FAM118A: variants seen among roughly 807,000 people sequenced by gnomAD.
FAM118A encodes SIR2 antiphage like 2, also known as protein FAM118A.
A neutral mutation model predicts 38.2 loss-of-function variants in FAM118A; 25 were observed. That is an observed-to-expected ratio of 0.65 (90% CI 0.48 to 0.91). The LOEUF (loss-of-function observed/expected upper bound fraction) is 0.91. Ranked by LOEUF, FAM118A falls within the 40% of genes least tolerant of loss-of-function variation. The pLI is 0.00. For synonymous variants in FAM118A, 178 were observed against 184.1 expected (o/e 0.97, Z 0.27); for missense variants, 425 against 463.3 (o/e 0.92, Z 0.76).
chr22:45,327,526 C>T (rs1460836238), intron 3 of FAM118A, among the ~76,000 whole-genome samples: 6 of 152,152 alleles, frequency 3.9e-5, no homozygotes, highest in Middle Eastern at 6.3e-3. Flanking sequence ...ACATTCTCCA[C>T]GAGCCCTCAC....
chr22:45,332,810 C>G, intron 6 of FAM118A, 100 bp downstream of exon 6: 2 of 1,294,190 alleles, frequency 1.5e-6, no homozygotes, highest in Non-Finnish European at 1.0e-6. Context: ...GCAATGGCAC[C>G]ATCTTGGCTC....
intron 1 of FAM118A, chr22:45,322,118 G>A (rs112778215): frequency 1.5e-5 from 20 of 1,341,474 alleles, no homozygotes; most frequent in Admixed American, 9.8e-5. Context: ...CTGTGTGTGC[G>A]TTTTCCTTCT....
At chr22:45,330,977 C>T (rs529839776) in intron 5 of FAM118A, among the ~76,000 whole-genome samples, 5 of 152,332 alleles carry the variant, frequency 3.3e-5, no homozygotes, top group African/African-American at 1.2e-4. Flanking sequence ...ATTCATGATT[C>T]CTTTCAAAGC....
chr22:45,340,044 G>T (rs1450515755), intron 8 of FAM118A, among the ~76,000 whole-genome samples: 1 of 152,200 alleles, frequency 6.6e-6, no homozygotes, highest in Non-Finnish European at 1.5e-5. Flanking sequence ...GAATCGACAG[G>T]CTTATTCTTC....
intron 1 of FAM118A, among the ~76,000 whole-genome samples, chr22:45,316,753 G>A (rs1172978367): frequency 6.6e-6 from 1 of 152,200 alleles, no homozygotes. Flanking sequence ...GGTAATATTG[G>A]TACTAATAGC....
chr22:45,310,870 T>C (rs2084335052), intron 1 of FAM118A, among the ~76,000 whole-genome samples: 1 of 151,974 alleles, frequency 6.6e-6, no homozygotes, highest in Non-Finnish European at 1.5e-5. Context: ...TTAGGGCACA[T>C]GGGGACGCTT....
intron 3 of FAM118A, among the ~76,000 whole-genome samples, chr22:45,325,359 T>A (rs2085188126): frequency 2.0e-5 from 3 of 152,136 alleles, no homozygotes; most frequent in Admixed American, 6.5e-5. Flanking sequence ...TGGGGGAAGC[T>A]GAGAGTTGGT....
At chr22:45,318,045 A>C (rs1215772084) in intron 1 of FAM118A, among the ~76,000 whole-genome samples, 1 of 152,232 alleles carries the variant, frequency 6.6e-6, no homozygotes, top group Non-Finnish European at 1.5e-5. Flanking sequence ...ACTACCTGTA[A>C]ATAACAAGTT....
rs140667899 is a variant in FAM118A, at chr22:45,321,388, C to T, written c.-9-983C>T. Among the ~76,000 whole-genome samples the T allele has an allele frequency of 6.6e-3, 1,010 of 152,030 alleles. 10 individuals carry two copies. Among genetic ancestry groups the T allele is most frequent in the African/African-American group, 0.022 (893 of 41,466 alleles). On this transcript the variant is annotated intron_variant, in intron 1 of 8. Transcript: ENST00000441876. ...TTATTTCTAGAATTGGGGGGAAACG[C>T]GATTTTGGAAAATTTTTATTTTTTA... is the stretch of plus-strand genomic sequence containing the variant.
intron 1 of FAM118A, among the ~76,000 whole-genome samples, chr22:45,319,743 A>G (rs6519923): frequency 0.44 from 67,265 of 152,034 alleles, 18,067 homozygotes; most frequent in African/African-American, 0.75. Flanking sequence ...CTTTCCTTAG[A>G]AAGTATCTAG....
chr22:45,315,377 T>G (rs974043264), intron 1 of FAM118A, among the ~76,000 whole-genome samples: 1 of 152,256 alleles, frequency 6.6e-6, no homozygotes, highest in African/African-American at 2.4e-5. Flanking sequence ...TAACTCATCC[T>G]GAAGATCCCT....
intron 1 of FAM118A, among the ~76,000 whole-genome samples, chr22:45,320,054 A>T (rs1188919939): frequency 1.3e-5 from 2 of 152,246 alleles, no homozygotes; most frequent in African/African-American, 4.8e-5. Context: ...TAGCTCTGCG[A>T]TCTAATGATG....
At chr22:45,337,020 C>G (rs577139769) in intron 8 of FAM118A, among the ~76,000 whole-genome samples, 1 of 152,206 alleles carries the variant, frequency 6.6e-6, no homozygotes, top group Non-Finnish European at 1.5e-5. Context: ...AGGGCGATCT[C>G]GCTTGTTCGT....
intron 2 of FAM118A, among the ~76,000 whole-genome samples, chr22:45,322,955 C>T (rs184403181): frequency 5.3e-4 from 81 of 152,186 alleles, no homozygotes; most frequent in Non-Finnish European, 9.6e-4. Context: ...AGCTGTCCCA[C>T]GTCCTTTAAG....
intron 1 of FAM118A, among the ~76,000 whole-genome samples, chr22:45,317,537 G>A (rs1188685796): frequency 3.3e-5 from 5 of 152,218 alleles, no homozygotes; most frequent in African/African-American, 1.2e-4. Context: ...AATCATTACA[G>A]TTCTTGACAC....
At chr22:45,337,351 G>A (rs2086178846) in intron 8 of FAM118A, among the ~76,000 whole-genome samples, 1 of 152,186 alleles carries the variant, frequency 6.6e-6, no homozygotes, top group South Asian at 2.1e-4. Flanking sequence ...TTGTGTCTGT[G>A]GGCCCAGTGC....
chr22:45,330,633 T>G lies in FAM118A; in HGVS notation c.553T>G (p.Tyr185Asp). Reference protein sequence around the residue: ...VLEWARGHMKYGVLHIHGLYT... With the variant: ...VLEWARGHMKDGVLHIHGLYT... ...TGAATGGGCAAGAGGGCACATGAAG[T>G]ACGGCGTCCTCCACATTCACGGCCT... The change falls in exon 5 of 9, where the codon TAC becomes GAC. Residue 185 changes from tyrosine (Y) to aspartate (D), a missense_variant. Transcript: ENST00000441876. 1.3e-6 allele frequency: 2 copies of G among 1,594,502 alleles called. No individual in the cohort carries two copies. The highest frequency in any genetic ancestry group is 1.7e-6 in the Non-Finnish European group (2 of 1,172,694).
intron 4 of FAM118A, chr22:45,328,760 A>T: frequency 2.6e-6 from 1 of 388,024 alleles, no homozygotes; most frequent in Non-Finnish European, 4.8e-6. Context: ...CCTGGGCAAG[A>T]GAGTGAGACC....
intron 1 of FAM118A, among the ~76,000 whole-genome samples, chr22:45,320,965 G>A (rs2084842853): frequency 6.6e-6 from 1 of 150,800 alleles, no homozygotes; most frequent in Non-Finnish European, 1.5e-5. Flanking sequence ...CTAACATTCT[G>A]CATCAGACAT....
Sources: allele counts gnomAD v4.1 joint callset (sites outside exome capture counted in the v4.1 genomes callset), GRCh38; gene constraint gnomAD v4.1.1; transcripts MANE v1.5; gene names NCBI Gene and HGNC (gene_info 2026-07-23, HGNC 2026-07-21).